FAT3: variants seen among roughly 807,000 people sequenced by gnomAD.
The protein encoded by FAT3 is FAT atypical cadherin 3, also known as protocadherin Fat 3.
Under a neutral mutation model 310.2 loss-of-function variants are expected in FAT3, and 95 were observed. That is an observed-to-expected ratio of 0.31 (90% CI 0.26 to 0.36). The LOEUF (loss-of-function observed/expected upper bound fraction) is 0.36, where lower values mean the gene tolerates loss of function less well. Among genes scored for constraint, FAT3 ranks in the 10% least tolerant of loss-of-function variants. The pLI is 1.00. For synonymous variants in FAT3, 2,314 were observed against 2,192.9 expected (o/e 1.06, Z -1.54); for missense variants, 5,408 against 5,715.6 (o/e 0.95, Z 1.74).
intron 21 of FAT3, among the ~76,000 whole-genome samples, chr11:92,861,659 A>G (rs1949126340): frequency 6.6e-6 from 1 of 152,204 alleles, no homozygotes; most frequent in Admixed American, 6.5e-5. Flanking sequence ...CTAAAGCAGG[A>G]CACAGCTGTA....
intron 4 of FAT3, 87 bp from the exon 5 acceptor site, chr11:92,761,769 C>T (rs572649770): frequency 2.9e-5 from 35 of 1,190,446 alleles, no homozygotes; most frequent in East Asian, 4.7e-5. Flanking sequence ...TAGCATTGTC[C>T]GTGCATTAGA....
chr11:92,774,580 A>G (rs1946548512), intron 7 of FAT3, among the ~76,000 whole-genome samples: 1 of 152,202 alleles, frequency 6.6e-6, no homozygotes, highest in South Asian at 2.1e-4. Context: ...AAGAATACCT[A>G]AGAGTCCAAA....
intron 4 of FAT3, among the ~76,000 whole-genome samples, chr11:92,701,520 C>G (rs1024193830): frequency 6.6e-6 from 1 of 152,196 alleles, no homozygotes; most frequent in Non-Finnish European, 1.5e-5. Flanking sequence ...TCAGTGAATT[C>G]TAAGTGTTAA....
At chr11:92,742,960 G>A (rs566747114) in intron 4 of FAT3, among the ~76,000 whole-genome samples, 15 of 152,172 alleles carry the variant, frequency 9.9e-5, no homozygotes, top group Admixed American at 3.9e-4. Context: ...TAGCACAGTG[G>A]ATAGATGGTG....
intron 3 of FAT3, among the ~76,000 whole-genome samples, chr11:92,576,442 C>A (rs1938490028): frequency 6.6e-6 from 1 of 152,098 alleles, no homozygotes; most frequent in East Asian, 1.9e-4. Flanking sequence ...GTTAATGTTT[C>A]TGTGTTACGG....
At chr11:92,436,065 G>A (rs1332631612) in intron 2 of FAT3, among the ~76,000 whole-genome samples, 1 of 152,134 alleles carries the variant, frequency 6.6e-6, no homozygotes, top group African/African-American at 2.4e-5. Flanking sequence ...TCACAGGCCA[G>A]AAGGGCTCTT....
intron 13 of FAT3, among the ~76,000 whole-genome samples, chr11:92,813,659 A>C (rs1423096223): frequency 6.6e-6 from 1 of 152,162 alleles, no homozygotes; most frequent in East Asian, 1.9e-4. Context: ...TATTTAAGTT[A>C]AATTATATAG....
intron 3 of FAT3, among the ~76,000 whole-genome samples, chr11:92,634,936 A>G (rs1591545882): frequency 6.6e-6 from 1 of 152,226 alleles, no homozygotes; most frequent in Non-Finnish European, 1.5e-5. Flanking sequence ...CTCTCTTTCC[A>G]CCATCCCTCT....
chr11:92,393,493 A>G (rs1949793556), intron 2 of FAT3, among the ~76,000 whole-genome samples: 1 of 152,188 alleles, frequency 6.6e-6, no homozygotes, highest in South Asian at 2.1e-4. Flanking sequence ...ATCAGCAGGA[A>G]TACCAGCATC....
rs561570982 is a variant in FAT3 at position 92,636,747 on chromosome 11, T to C, written c.3608-60637T>C. 2.6e-5 allele frequency among the ~76,000 whole-genome samples: 4 copies of C among 152,298 alleles called. No homozygotes were observed. The East Asian group carries it at 7.7e-4, about 29-fold the overall frequency. ...GAACTCTCTCTTTTGTTTAGGCGAG[T>C]AGTGTAGACTATATTGCTCAGGAAG... is the stretch of plus-strand genomic sequence containing the variant. On this transcript the variant is annotated intron_variant, in intron 3 of 27. Transcript: ENST00000525166.
At chr11:92,409,030 C>T (rs953934520) in intron 2 of FAT3, among the ~76,000 whole-genome samples, 11 of 152,048 alleles carry the variant, frequency 7.2e-5, no homozygotes, top group South Asian at 4.1e-4. Flanking sequence ...TTAAACATTA[C>T]GTATAGAAGT....
At chr11:92,438,890 AC>A in intron 2 of FAT3, among the ~76,000 whole-genome samples, 1 of 152,312 alleles carries the variant, frequency 6.6e-6, no homozygotes, top group African/African-American at 2.4e-5. Flanking sequence ...TCTACTGTGC[AC>A]CAGTAGATTG....
chr11:92,262,254 T>C (rs1232727225), intron 1 of FAT3, among the ~76,000 whole-genome samples: 1 of 152,100 alleles, frequency 6.6e-6, no homozygotes, highest in Non-Finnish European at 1.5e-5. Context: ...AGCTCATGGG[T>C]AGTTTTAATA....
chr11:92,801,878 C>T lies in FAT3; in HGVS notation c.8865C>T (p.Asp2955=), dbSNP rs144368265. 824 of 1,613,810 alleles carry T rather than the reference C, an allele frequency of 5.1e-4. 8 individuals are homozygous for T. The African/African-American group carries it at 9.9e-3, about 19-fold the overall frequency. ...VLSTWDRDTS[D]VNRQVSYHIT... ...GCACCTGGGACAGAGACACATCCGA[C>T]GTTAATCGCCAAGTGAGCTACCATA... The change falls in exon 10 of 28, where the codon GAC becomes GAT. Residue 2955 remains aspartate, a synonymous_variant. Coordinates refer to ENST00000525166, the MANE Select transcript of FAT3 (RefSeq NM_001367949.2).
intron 2 of FAT3, among the ~76,000 whole-genome samples, chr11:92,358,514 G>A (rs1565255963): frequency 6.6e-6 from 1 of 151,802 alleles, no homozygotes; most frequent in East Asian, 1.9e-4. Context: ...ACACAACTGG[G>A]TTTTTTCTCT....
chr11:92,325,929 C>T (rs150773252), intron 1 of FAT3, among the ~76,000 whole-genome samples: 45 of 152,274 alleles, frequency 3.0e-4, no homozygotes, highest in African/African-American at 9.4e-4. Flanking sequence ...CATACCTGGC[C>T]GGGCCATTCT....
intron 3 of FAT3, among the ~76,000 whole-genome samples, chr11:92,574,606 CT>C (rs1034838839): frequency 3.3e-5 from 5 of 152,260 alleles, no homozygotes; most frequent in African/African-American, 1.2e-4. Context: ...GCTTTGTTTT[CT>C]TCTGATACAA....
intron 2 of FAT3, among the ~76,000 whole-genome samples, chr11:92,391,126 GA>G (rs1476615484): frequency 6.6e-6 from 1 of 152,202 alleles, no homozygotes; most frequent in Admixed American, 6.5e-5. Context: ...TAACTGAGAA[GA>G]GGTAGAAGTC....
chr11:92,317,113 T>C (rs930723556), intron 1 of FAT3, among the ~76,000 whole-genome samples: 1 of 152,174 alleles, frequency 6.6e-6, no homozygotes, highest in African/African-American at 2.4e-5. Flanking sequence ...TGAGTGCAGC[T>C]GTCAGAATTA....
Sources: gnomAD v4.1 joint callset for allele counts (sites outside exome capture counted in the v4.1 genomes callset) on GRCh38, gnomAD v4.1.1 for gene constraint, MANE v1.5 for transcripts, NCBI Gene and HGNC (gene_info 2026-07-23, HGNC 2026-07-21) for gene names.